CNKSR2: variants seen among roughly 807,000 people sequenced by gnomAD.
CNKSR2 encodes the protein connector enhancer of kinase suppressor of Ras 2, also known as CNK homolog protein 2.
Under a neutral mutation model 84.4 loss-of-function variants are expected in CNKSR2, and 14 were observed. The ratio of observed to expected loss-of-function variants is 0.17; its 90% CI spans 0.11 to 0.26. The LOEUF (loss-of-function observed/expected upper bound fraction) is 0.26. Ranked by LOEUF, CNKSR2 falls within the 10% of genes least tolerant of loss-of-function variation. The probability of loss-of-function intolerance (pLI) is 1.00; values close to 1 mark genes in which losing one functional copy is unlikely to be tolerated. For missense variants in CNKSR2, 485 were observed against 771.2 expected, an observed-to-expected ratio of 0.63 and a Z score of 4.40; for synonymous variants, 275 against 277.9, an observed-to-expected ratio of 0.99 and a Z score of 0.10.
At position 21,653,429 on chromosome X, in the gene CNKSR2, CTGAAA is replaced by C. The variant is rs1215349731; in HGVS notation, c.*913_*917del. The C allele has an allele frequency of 1.8e-5, 2 of 110,472 alleles. No homozygotes were observed. The highest frequency in any genetic ancestry group is 9.7e-5 in the Admixed American group (1 of 10,259). 9.1% of individuals were successfully genotyped at this position (110,472 alleles called of 1,213,427 possible). A position where few individuals can be genotyped will look rare whatever the true frequency, so the allele number is the denominator to read the frequency against. On this transcript the variant is annotated 3_prime_UTR_variant, in exon 22 of 22. Transcript: ENST00000379510. The stretch of plus-strand genomic sequence containing the variant: ...CTCTTAAAAGACAACAAGGTATAAA[CTGAAA>C]TGAATCAACTTTCCACTTAGTTTCC...
rs146589509 is a variant in CNKSR2, at chrX:21,376,153, A to G, written c.64+1192A>G. 9.5e-3 allele frequency among the ~76,000 whole-genome samples: 1,072 copies of G among 112,615 alleles called. 12 individuals carry two copies. The highest frequency in any genetic ancestry group is 0.031 in the African/African-American group (969 of 30,984). On this transcript the variant is annotated intron_variant, in intron 1 of 21. Coordinates refer to ENST00000379510, the MANE Select transcript of CNKSR2 (RefSeq NM_014927.5). Reference sequence around the variant, plus strand: ...GAGCCCCTTCTTGGGCTTACTTAACAGTCAGACTTTCTAAGCTCCAGATAA... The same window carrying G: ...GAGCCCCTTCTTGGGCTTACTTAACGGTCAGACTTTCTAAGCTCCAGATAA...
intron 20 of CNKSR2, among the ~76,000 whole-genome samples, chrX:21,647,832 G>C (rs1438610538): frequency 1.8e-5 from 2 of 110,606 alleles, no homozygotes; most frequent in African/African-American, 6.6e-5. Flanking sequence ...TTTACTCTTT[G>C]GGCCAATATA....
At chrX:21,526,255 A>G (rs1445390881) in intron 9 of CNKSR2, among the ~76,000 whole-genome samples, 1 of 111,436 alleles carries the variant, frequency 9.0e-6, no homozygotes, top group African/African-American at 3.2e-5. Flanking sequence ...TTGATGATGT[A>G]CCATAAAATG....
chrX:21,618,531 C>T (rs1378894862), intron 20 of CNKSR2, among the ~76,000 whole-genome samples: 2 of 111,838 alleles, frequency 1.8e-5, no homozygotes, highest in East Asian at 5.6e-4. Context: ...ATTACAAACA[C>T]AAAATATGCC....
rs190021189 is a variant in CNKSR2 at position 21,502,061 on chromosome X, T to C, written c.810+473T>C. ...GGGGGAGTATTTTAAATGTAGATCTTTGAAAATTTTAAAATTTTTAATAGC... is the reference window on the plus strand; with the variant it reads ...GGGGGAGTATTTTAAATGTAGATCTCTGAAAATTTTAAAATTTTTAATAGC... On this transcript the variant is annotated intron_variant, in intron 8 of 21. Coordinates refer to ENST00000379510, the MANE Select transcript of CNKSR2 (RefSeq NM_014927.5). Among the ~76,000 whole-genome samples, 11 of 106,948 alleles carry C rather than the reference T, an allele frequency of 1.0e-4. No homozygotes were observed. In the East Asian group the frequency reaches 3.3e-3, roughly 32 times the overall value. The allele number at this position is 106,948 out of a possible 115,157, so 92.9% of individuals were successfully genotyped here.
chrX:21,387,665 T>C lies in CNKSR2; in HGVS notation c.64+12704T>C, dbSNP rs373370045. ...CAAATCAGGTGCACACATTGTAGTC[T>C]AGCTCATTCTTTTTTCCTATGTCAA... On this transcript the variant is annotated intron_variant, in intron 1 of 21. Transcript: ENST00000379510. 1.1e-4 allele frequency among the ~76,000 whole-genome samples: 12 copies of C among 111,289 alleles called. 1 individual carries two copies. The highest frequency in any genetic ancestry group is 8.4e-4 in the East Asian group (3 of 3,566).
intron 5 of CNKSR2, among the ~76,000 whole-genome samples, chrX:21,482,165 G>C (rs1569196263): frequency 1.8e-5 from 2 of 112,316 alleles, no homozygotes; most frequent in African/African-American, 3.2e-5. Flanking sequence ...AAGCCAAAGA[G>C]AGACTAGTAG....
At chrX:21,523,845 T>G (rs757177623) in intron 9 of CNKSR2, among the ~76,000 whole-genome samples, 1 of 111,064 alleles carries the variant, frequency 9.0e-6, no homozygotes, top group African/African-American at 3.2e-5. Context: ...TTTCTTGTCT[T>G]TCTAATGTTC....
At chrX:21,453,082 T>A (rs958313963) in intron 4 of CNKSR2, among the ~76,000 whole-genome samples, 1 of 110,674 alleles carries the variant, frequency 9.0e-6, no homozygotes, top group African/African-American at 3.3e-5. Context: ...TCTTTTATTT[T>A]ATAATTTGGA....
chrX:21,519,684 G>A (rs1211264734), intron 9 of CNKSR2, among the ~76,000 whole-genome samples: 1 of 110,965 alleles, frequency 9.0e-6, no homozygotes, highest in African/African-American at 3.3e-5. Context: ...ATTTAGAATA[G>A]AGGATACAAA....
At chrX:21,529,719 C>T (rs1465145510) in intron 10 of CNKSR2, among the ~76,000 whole-genome samples, 1 of 110,731 alleles carries the variant, frequency 9.0e-6, no homozygotes, top group African/African-American at 3.3e-5. Context: ...TTTACATACA[C>T]AATACATGTA....
intron 4 of CNKSR2, among the ~76,000 whole-genome samples, chrX:21,443,743 A>C (rs993698705): frequency 2.7e-5 from 3 of 111,643 alleles, no homozygotes; most frequent in Non-Finnish European, 5.7e-5. Flanking sequence ...GCTTTCTGAC[A>C]GTTCTTTTGT....
chrX:21,439,731 A>G (rs971180977), intron 3 of CNKSR2, among the ~76,000 whole-genome samples: 1 of 110,800 alleles, frequency 9.0e-6, no homozygotes, highest in Non-Finnish European at 1.9e-5. Context: ...AATGAAATAG[A>G]TACTCTGAAT....
intron 9 of CNKSR2, among the ~76,000 whole-genome samples, chrX:21,518,832 ATC>A (rs1429192748): frequency 9.0e-6 from 1 of 111,635 alleles, no homozygotes; most frequent in Non-Finnish European, 1.9e-5. Context: ...AAATGCTGAA[ATC>A]TGAAAAAGAG....
At chrX:21,387,608 T>G (rs1193439639) in intron 1 of CNKSR2, among the ~76,000 whole-genome samples, 1 of 112,243 alleles carries the variant, frequency 8.9e-6, no homozygotes, top group Non-Finnish European at 1.9e-5. Flanking sequence ...GTTTCATAAA[T>G]GTCAAACACT....
At chrX:21,425,731 A>G (rs762461125) in intron 1 of CNKSR2, 1 of 111,704 alleles carries the variant, frequency 9.0e-6, no homozygotes, top group East Asian at 2.8e-4. Flanking sequence ...GTATCAGGCC[A>G]CTTCACAGGT....
chrX:21,563,113 G>A, intron 12 of CNKSR2, 125 bp from the exon 13 acceptor site: 1 of 490,334 alleles, frequency 2.0e-6, no homozygotes, highest in Non-Finnish European at 3.3e-6. Flanking sequence ...TGCGGTTCTT[G>A]CAATTAAAAG....
At chrX:21,534,542 C>A (rs2091911387) in intron 11 of CNKSR2, among the ~76,000 whole-genome samples, 2 of 110,156 alleles carry the variant, frequency 1.8e-5, no homozygotes, top group Non-Finnish European at 3.8e-5. Flanking sequence ...TACCAATTTA[C>A]ATTCTCATCA....
chrX:21,568,453 T>C (rs1353119573), intron 13 of CNKSR2, among the ~76,000 whole-genome samples: 2 of 111,726 alleles, frequency 1.8e-5, no homozygotes, highest in Non-Finnish European at 1.9e-5. Context: ...TTAGTAGGTG[T>C]TCAAAAATCT....
Sources: allele counts gnomAD v4.1 joint callset (sites outside exome capture counted in the v4.1 genomes callset), GRCh38; gene constraint gnomAD v4.1.1; transcripts MANE v1.5; gene names NCBI Gene and HGNC (gene_info 2026-07-23, HGNC 2026-07-21).